The following ACP6 variants were observed in gnomAD, a reference collection of about 807,000 sequenced individuals.
ACP6 encodes lysophosphatidic acid phosphatase type 6.
A neutral mutation model predicts 48.1 loss-of-function variants in ACP6; 48 were observed. The ratio of observed to expected loss-of-function variants is 1.00; its 90% CI spans 0.79 to 1.27. ACP6 has a LOEUF of 1.27. Among genes scored for constraint, ACP6 ranks in the 50% most tolerant of loss-of-function variants. The pLI is 0.00. For missense variants in ACP6, 485 were observed against 529.1 expected (o/e 0.92, Z 0.82); for synonymous variants, 172 against 204.2 (o/e 0.84, Z 1.34).
rs1033721281 is a variant in ACP6 at position 147,646,471 on chromosome 1, C to T, written c.*952G>A. ...ATTAAGATAGTAGGAAGTGGAGAGG[C>T]TTTTGTGGTTGCTGTTTTCTCTGAG... On this transcript the variant is annotated 3_prime_UTR_variant, in exon 10 of 10. Transcript: ENST00000583509. 2.6e-5 allele frequency: 4 copies of T among 152,132 alleles called. No individual in the cohort carries two copies. The highest frequency in any genetic ancestry group is 6.5e-5 in the Admixed American group (1 of 15,278). 9.4% of individuals were successfully genotyped at this position (152,132 alleles called of 1,614,324 possible).
intron 8 of ACP6, 51 bp downstream of exon 8, chr1:147,650,092 G>A: frequency 6.5e-7 from 1 of 1,538,156 alleles, no homozygotes; most frequent in Non-Finnish European, 8.9e-7. Flanking sequence ...CCTACAGCCA[G>A]AAGTTCCCAC....
chr1:147,649,322 C>T (rs1400462459), intron 8 of ACP6, among the ~76,000 whole-genome samples: 3 of 152,108 alleles, frequency 2.0e-5, no homozygotes, highest in Non-Finnish European at 4.4e-5. Flanking sequence ...TCTTGGGCAA[C>T]GGTGAAGCTG....
intron 1 of ACP6, among the ~76,000 whole-genome samples, chr1:147,667,337 C>T (rs587599695): frequency 2.3e-4 from 35 of 152,232 alleles, no homozygotes; most frequent in African/African-American, 8.4e-4. Flanking sequence ...CCTGCCTCAG[C>T]CTCCCGAGTA....
intron 1 of ACP6, among the ~76,000 whole-genome samples, chr1:147,666,359 A>G (rs1299569310): frequency 2.0e-4 from 31 of 152,240 alleles, no homozygotes; most frequent in African/African-American, 6.8e-4. Flanking sequence ...CTCTCAACAC[A>G]GAAAGATAAC....
downstream of ACP6, among the ~76,000 whole-genome samples, chr1:147,637,483 T>C (rs1479684349): frequency 6.6e-6 from 1 of 152,228 alleles, no homozygotes; most frequent in Non-Finnish European, 1.5e-5. Flanking sequence ...TCCCTTCCTC[T>C]TGATGGTCTT....
intron 1 of ACP6, among the ~76,000 whole-genome samples, chr1:147,660,749 ATTTTG>A (rs1189209130): frequency 6.6e-6 from 1 of 152,172 alleles, no homozygotes; most frequent in African/African-American, 2.4e-5. Flanking sequence ...GCATTTAAAT[ATTTTG>A]TTTTATTTTT....
intron 5 of ACP6, among the ~76,000 whole-genome samples, chr1:147,632,511 C>G (rs782265029): frequency 2.0e-5 from 3 of 151,582 alleles, no homozygotes; most frequent in Non-Finnish European, 4.4e-5. Context: ...GAGAACAACA[C>G]GAATGAGGAA....
rs1660409899 is a variant in ACP6, at chr1:147,659,288, C to T, written c.479+108G>A. ...AGGGTATGCAGCATGACAAGTTGTC[C>T]CCCAAACTACCTTGGGTGACAGTGG... On this transcript the variant is annotated intron_variant, in intron 3 of 9. Coordinates refer to ENST00000583509, the MANE Select transcript of ACP6 (RefSeq NM_016361.5). 2.8e-6 allele frequency: 4 copies of T among 1,453,382 alleles called. No homozygotes were observed. In the South Asian group the frequency reaches 4.0e-5, roughly 15 times the overall value. The allele number at this position is 1,453,382 out of a possible 1,614,324, so 90.0% of individuals were successfully genotyped here.
intron 4 of ACP6, among the ~76,000 whole-genome samples, chr1:147,656,765 C>T (rs1045667959): frequency 6.6e-6 from 1 of 152,162 alleles, no homozygotes; most frequent in Non-Finnish European, 1.5e-5. Flanking sequence ...AAGTTTGCTG[C>T]ATACAATTGG....
At chr1:147,656,827 AC>A (rs1333870137) in intron 4 of ACP6, among the ~76,000 whole-genome samples, 1 of 152,266 alleles carries the variant, frequency 6.6e-6, no homozygotes, top group Non-Finnish European at 1.5e-5. Context: ...CCATGGATTA[AC>A]AATATTTGAG....
intron 7 of ACP6, chr1:147,650,478 C>T: frequency 2.5e-6 from 1 of 406,300 alleles, no homozygotes; most frequent in Non-Finnish European, 4.4e-6. Flanking sequence ...GTGAACACAA[C>T]TGAGATGGGA....
intron 1 of ACP6, among the ~76,000 whole-genome samples, chr1:147,662,600 T>G (rs1553212981): frequency 6.6e-6 from 1 of 152,230 alleles, no homozygotes; most frequent in African/African-American, 2.4e-5. Context: ...CTGACTGAAT[T>G]GCTGCAATCT....
chr1:147,660,177 C>A (rs1296405633), intron 1 of ACP6, among the ~76,000 whole-genome samples: 1 of 152,190 alleles, frequency 6.6e-6, no homozygotes, highest in Non-Finnish European at 1.5e-5. Flanking sequence ...GGTTTATATG[C>A]CCTATCCCAG....
At position 147,659,751 on chromosome 1, in the gene ACP6, C is replaced by G. The variant is rs1660447294; in HGVS notation, c.244G>C (p.Glu82Gln). 6.2e-7 allele frequency: 1 copy of G among 1,613,868 alleles called. No homozygotes were observed. Among genetic ancestry groups the G allele is most frequent in the Non-Finnish European group, 8.5e-7 (1 of 1,180,012 alleles). The change falls in exon 2 of 10, where the codon GAG (glutamate) becomes CAG (glutamine). Residue 82 changes from glutamate to glutamine, a missense_variant. By Grantham distance (29) the Glu-to-Gln change is conservative (BLOSUM62 2). Transcript: ENST00000583509. ...EQVEWNPQLL[E>Q]VPPQTQFDYT... ...TCAAACTGAGTTTGGGGTGGGACCT[C>G]TAATAGCTGGGGGTTCCACTCTACC...
intron 1 of ACP6, among the ~76,000 whole-genome samples, chr1:147,665,121 A>G (rs1660734189): frequency 6.6e-6 from 1 of 152,172 alleles, no homozygotes. Flanking sequence ...AAAGGCAAAA[A>G]CTCGAATTTC....
At position 147,646,298 on chromosome 1, in the gene ACP6, T is replaced by A. The variant is rs1480874000; in HGVS notation, c.*1125A>T. The A allele has an allele frequency of 2.6e-5, 4 of 152,082 alleles. No homozygotes were observed. Among genetic ancestry groups the A allele is most frequent in the Admixed American group, 1.3e-4 (2 of 15,252 alleles). The allele number at this position is 152,082 out of a possible 1,614,324, so 9.4% of individuals were successfully genotyped here. On this transcript the variant is annotated 3_prime_UTR_variant, in exon 10 of 10. Coordinates refer to ENST00000583509, the MANE Select transcript of ACP6 (RefSeq NM_016361.5). ...TCTTTCATTCAGATAGGGAAGTGTG[T>A]GGGAGAAGCAGGTCTGGGAGGAGGG...
chr1:147,652,951 T>C (rs1253743694), intron 6 of ACP6, among the ~76,000 whole-genome samples: 4 of 152,252 alleles, frequency 2.6e-5, no homozygotes, highest in East Asian at 1.9e-4. Context: ...CTCAGCCTCC[T>C]GAGTAGCTGG....
Position 147,670,395 on chromosome 1 carries a change from T to G in ACP6, c.-347A>C. 1 of 189,516 alleles carries G rather than the reference T, an allele frequency of 5.3e-6. No individual in the cohort carries two copies. The highest frequency in any genetic ancestry group is 5.9e-5 in the Admixed American group (1 of 16,882). 11.7% of individuals were successfully genotyped at this position (189,516 alleles called of 1,614,324 possible). A position where few individuals can be genotyped will look rare whatever the true frequency, so the allele number is the denominator to read the frequency against. ...ATTTCAAGTTTGGCCTCCAGCACTC[T>G]TGAAGGAACAGGAGCCGGCCCTGAG... On this transcript the variant is annotated 5_prime_UTR_variant, in exon 1 of 10. Transcript: ENST00000583509.
At chr1:147,659,556 T>C (rs782318764) in intron 2 of ACP6, 30 bp from the exon 3 acceptor site, 2 of 1,612,564 alleles carry the variant, frequency 1.2e-6, no homozygotes, top group East Asian at 4.5e-5. Flanking sequence ...GAAAGAAGAA[T>C]GAAAACACCT....
Sources: allele counts gnomAD v4.1 joint callset (sites outside exome capture counted in the v4.1 genomes callset), GRCh38; gene constraint gnomAD v4.1.1; transcripts MANE v1.5; gene names NCBI Gene and HGNC (gene_info 2026-07-23, HGNC 2026-07-21).